The following DOCK3 variants were observed in gnomAD, a reference collection of about 807,000 sequenced individuals.
The protein encoded by DOCK3 is dedicator of cytokinesis protein 3.
In DOCK3, 60 loss-of-function variants were observed where a neutral mutation model predicts 265.6. The observed-to-expected ratio is 0.23, with a 90% CI of 0.18 to 0.28. The LOEUF is 0.28. Among genes scored for constraint, DOCK3 ranks in the 10% least tolerant of loss-of-function variants. The pLI is 1.00. For synonymous variants in DOCK3, 881 were observed against 938.0 expected (o/e 0.94, Z 1.11); for missense variants, 1,981 against 2,594.3 (o/e 0.76, Z 5.14).
chr3:50,770,211 A>G (rs958227255), intron 1 of DOCK3, among the ~76,000 whole-genome samples: 1 of 152,100 alleles, frequency 6.6e-6, no homozygotes, highest in Non-Finnish European at 1.5e-5. Context: ...AAACCTGAAG[A>G]CTCCAACAAA....
intron 22 of DOCK3, among the ~76,000 whole-genome samples, chr3:51,254,759 GTC>G (rs2079453320): frequency 6.6e-6 from 1 of 152,086 alleles, no homozygotes; most frequent in Non-Finnish European, 1.5e-5. Flanking sequence ...GCCTATGTGT[GTC>G]TCTGCATGTG....
chr3:50,816,374 T>A (rs1160051278), intron 2 of DOCK3, among the ~76,000 whole-genome samples: 1 of 148,042 alleles, frequency 6.8e-6, no homozygotes, highest in African/African-American at 2.5e-5. Flanking sequence ...CAGGCTGGCG[T>A]GCAATGGTGT....
At chr3:51,253,005 TAA>T (rs2079342222) in intron 22 of DOCK3, among the ~76,000 whole-genome samples, 1 of 152,228 alleles carries the variant, frequency 6.6e-6, no homozygotes, top group Non-Finnish European at 1.5e-5. Context: ...GGGTTTGTCA[TAA>T]GTAGCTCGTA....
intron 1 of DOCK3, among the ~76,000 whole-genome samples, chr3:50,723,574 T>G (rs2037614491): frequency 6.6e-6 from 1 of 151,996 alleles, no homozygotes; most frequent in Non-Finnish European, 1.5e-5. Flanking sequence ...TTTGACAAAC[T>G]TGACAAAAAC....
At chr3:50,849,424 A>G (rs2046254616) in intron 3 of DOCK3, among the ~76,000 whole-genome samples, 1 of 151,978 alleles carries the variant, frequency 6.6e-6, no homozygotes. Flanking sequence ...ACATATATAT[A>G]TGGCAGCAAA....
intron 2 of DOCK3, among the ~76,000 whole-genome samples, chr3:50,833,706 T>G (rs1415967119): frequency 2.0e-5 from 3 of 152,200 alleles, no homozygotes; most frequent in African/African-American, 4.8e-5. Flanking sequence ...TTTATTGCTC[T>G]ACACGTCAAG....
intron 5 of DOCK3, among the ~76,000 whole-genome samples, chr3:51,059,464 C>T (rs2081329429): frequency 7.6e-6 from 1 of 131,098 alleles, no homozygotes; most frequent in South Asian, 2.3e-4. Context: ...ACCACACACA[C>T]ACACACACAC....
chr3:50,691,922 T>TC (rs1214434322), intron 1 of DOCK3, among the ~76,000 whole-genome samples: 1 of 151,450 alleles, frequency 6.6e-6, no homozygotes, highest in East Asian at 1.9e-4. Flanking sequence ...AAAGTTTTTT[T>TC]TTTTTTTTTT....
chr3:50,733,343 T>C (rs181522500), intron 1 of DOCK3, among the ~76,000 whole-genome samples: 42 of 152,338 alleles, frequency 2.8e-4, no homozygotes, highest in Admixed American at 7.2e-4. Context: ...TCTACCATTA[T>C]TGTATTTCTG....
chr3:51,041,186 A>ATATG (rs1287615489), intron 5 of DOCK3, among the ~76,000 whole-genome samples: 1 of 12,026 alleles, frequency 8.3e-5, no homozygotes, highest in African/African-American at 4.7e-4. Flanking sequence ...ATATATATAT[A>ATATG]TATATATATA....
At chr3:50,843,856 C>A (rs2045956940) in intron 3 of DOCK3, among the ~76,000 whole-genome samples, 1 of 152,074 alleles carries the variant, frequency 6.6e-6, no homozygotes. Context: ...GAATTTCATC[C>A]TGCGTCAGTG....
intron 9 of DOCK3, among the ~76,000 whole-genome samples, chr3:51,122,967 C>A (rs73833986): frequency 0.025 from 3,796 of 152,322 alleles, 184 homozygotes; most frequent in African/African-American, 0.087. Flanking sequence ...AAACCTGTCT[C>A]AAGCCCAGAT....
At chr3:51,116,090 T>G (rs182871561) in intron 9 of DOCK3, among the ~76,000 whole-genome samples, 1 of 152,318 alleles carries the variant, frequency 6.6e-6, no homozygotes, top group Admixed American at 6.5e-5. Context: ...TGCCTCCATC[T>G]TTGTTCTTTT....
intron 1 of DOCK3, among the ~76,000 whole-genome samples, chr3:50,697,660 A>T (rs2035722166): frequency 6.6e-6 from 1 of 152,080 alleles, no homozygotes; most frequent in African/African-American, 2.4e-5. Flanking sequence ...CCTCTAGAAG[A>T]TTGCTTTTGT....
At chr3:51,309,172 C>T (rs1211414067) in intron 27 of DOCK3, among the ~76,000 whole-genome samples, 3 of 152,126 alleles carry the variant, frequency 2.0e-5, no homozygotes, top group African/African-American at 7.2e-5. Context: ...CCTCACTTCC[C>T]AGACGGGGTG....
At chr3:50,842,243 C>A (rs765647608) in intron 3 of DOCK3, among the ~76,000 whole-genome samples, 25 of 152,052 alleles carry the variant, frequency 1.6e-4, no homozygotes, top group Non-Finnish European at 3.5e-4. Flanking sequence ...TAGAAATAAT[C>A]TTTCCCAATA....
intron 5 of DOCK3, among the ~76,000 whole-genome samples, chr3:50,940,703 A>G (rs1000891021): frequency 7.9e-5 from 12 of 152,200 alleles, no homozygotes; most frequent in South Asian, 4.1e-4. Context: ...TACAGTAATC[A>G]AGGCAGAGTG....
At chr3:50,775,766 C>T (rs2041556999) in intron 1 of DOCK3, among the ~76,000 whole-genome samples, 2 of 152,018 alleles carry the variant, frequency 1.3e-5, no homozygotes, top group Non-Finnish European at 2.9e-5. Flanking sequence ...CCAGCAAGTC[C>T]ACAGAGTCTA....
intron 11 of DOCK3, 53 bp from the exon 12 acceptor site, chr3:51,160,502 T>G (rs2086072536): frequency 1.3e-6 from 2 of 1,545,830 alleles, no homozygotes; most frequent in African/African-American, 2.8e-5. Flanking sequence ...TAGGTGATAC[T>G]GGAGAGGAGC....
Sources: allele counts gnomAD v4.1 joint callset (sites outside exome capture counted in the v4.1 genomes callset), GRCh38; gene constraint gnomAD v4.1.1; transcripts MANE v1.5; gene names NCBI Gene and HGNC (gene_info 2026-07-23, HGNC 2026-07-21).